The following GGNBP2 variants were observed in gnomAD, a reference collection of about 807,000 sequenced individuals.
The protein encoded by GGNBP2 is gametogenetin-binding protein 2.
In GGNBP2, 10 loss-of-function variants were observed where a neutral mutation model predicts 85.9. The observed-to-expected ratio is 0.12, with a 90% CI of 0.07 to 0.20. GGNBP2 has a LOEUF of 0.20. Among genes scored for constraint, GGNBP2 ranks in the 10% least tolerant of loss-of-function variants. The pLI is 1.00. For synonymous variants in GGNBP2, 287 were observed against 285.7 expected, an observed-to-expected ratio of 1.00 and a Z score of -0.05; for missense variants, 595 against 857.8, an observed-to-expected ratio of 0.69 and a Z score of 3.83.
At chr17:36,552,608 A>G (rs2074320961) in intron 2 of GGNBP2, among the ~76,000 whole-genome samples, 1 of 152,248 alleles carries the variant, frequency 6.6e-6, no homozygotes, top group Admixed American at 6.5e-5. Context: ...AGGTATTAAT[A>G]AGACTGAGAA....
intron 5 of GGNBP2, among the ~76,000 whole-genome samples, chr17:36,561,214 C>T (rs1027447141): frequency 6.6e-6 from 1 of 152,020 alleles, no homozygotes; most frequent in African/African-American, 2.4e-5. Context: ...ACCTCCACCT[C>T]CCTGGTTCAA....
intron 9 of GGNBP2, among the ~76,000 whole-genome samples, chr17:36,583,122 C>T (rs964450197): frequency 6.6e-6 from 1 of 151,658 alleles, no homozygotes; most frequent in African/African-American, 2.4e-5. Context: ...GGCATGATCT[C>T]GGCTCACTGC....
intron 2 of GGNBP2, among the ~76,000 whole-genome samples, chr17:36,554,274 A>C (rs1286076363): frequency 1.6e-5 from 2 of 124,706 alleles, no homozygotes; most frequent in Admixed American, 9.7e-5. Context: ...ATGCCACCGC[A>C]CTCCAGCCTA....
intron 2 of GGNBP2, among the ~76,000 whole-genome samples, chr17:36,551,291 C>G (rs2142684838): frequency 6.6e-6 from 1 of 151,992 alleles, no homozygotes; most frequent in South Asian, 2.1e-4. Context: ...ACCACAACCT[C>G]CGCCTTCTGG....
At chr17:36,554,352 A>ATTTTTTTTTT (rs780217291) in intron 2 of GGNBP2, among the ~76,000 whole-genome samples, 2 of 44,480 alleles carry the variant, frequency 4.5e-5, no homozygotes, top group Non-Finnish European at 7.2e-5. Context: ...ATGTACTTGA[A>ATTTTTTTTTT]TTTTTTTTTT....
At chr17:36,566,450 A>C (rs2074469348) in intron 5 of GGNBP2, among the ~76,000 whole-genome samples, 1 of 151,994 alleles carries the variant, frequency 6.6e-6, no homozygotes, top group Admixed American at 6.6e-5. Context: ...GCTTGAGCTG[A>C]GGAGTCGGAG....
intron 5 of GGNBP2, among the ~76,000 whole-genome samples, chr17:36,565,734 A>G (rs1599521665): frequency 6.6e-6 from 1 of 152,154 alleles, no homozygotes; most frequent in African/African-American, 2.4e-5. Context: ...CGTCTCTACT[A>G]AAAATACAAA....
At chr17:36,578,394 C>T (rs1406037832) in intron 7 of GGNBP2, 1 of 484,406 alleles carries the variant, frequency 2.1e-6, no homozygotes, top group Non-Finnish European at 3.6e-6. Context: ...TTGGTTCAGT[C>T]CTCTGCTAGT....
intron 5 of GGNBP2, among the ~76,000 whole-genome samples, chr17:36,564,295 G>A (rs748046187): frequency 6.6e-6 from 1 of 152,178 alleles, no homozygotes; most frequent in Non-Finnish European, 1.5e-5. Flanking sequence ...AAGTAGCCCA[G>A]CATTTTATGC....
chr17:36,588,604 A>ATT (rs751567731), intron 13 of GGNBP2, among the ~76,000 whole-genome samples: 4 of 144,838 alleles, frequency 2.8e-5, no homozygotes, highest in Non-Finnish European at 4.5e-5. Context: ...ATATTTATTT[A>ATT]TTTTTTTTTT....
intron 6 of GGNBP2, 23 bp downstream of exon 6, chr17:36,567,799 T>G (rs371499129): frequency 8.4e-6 from 11 of 1,302,112 alleles, no homozygotes; most frequent in Middle Eastern, 1.8e-4. Flanking sequence ...GTTGTTCCAG[T>G]ATAATGTGGA....
intron 9 of GGNBP2, among the ~76,000 whole-genome samples, chr17:36,583,716 G>C (rs1382642530): frequency 6.6e-6 from 1 of 152,118 alleles, no homozygotes; most frequent in Non-Finnish European, 1.5e-5. Context: ...GCCCGCTTCT[G>C]CCTCCCAAAG....
In GGNBP2 at chr17:36,585,911, C is replaced by T. The variant is rs369315786; in HGVS notation, c.1438C>T (p.Arg480Trp). The T allele has an allele frequency of 3.1e-6, 5 of 1,613,904 alleles. No individual in the cohort carries two copies. The highest frequency in any genetic ancestry group is 1.3e-5 in the African/African-American group (1 of 74,894). ...CATGGAAGGGAGTGAAACAGGTTCT[C>T]GGGAGGGTTCGGATGTTGCCTGCAC... is the stretch of plus-strand genomic sequence containing the variant. ...SSMEGSETGS[R>W]EGSDVACTEG... The change falls in exon 11 of 14, where the codon CGG becomes TGG. Residue 480 changes from arginine to tryptophan, a missense_variant. Coordinates refer to ENST00000613102, the MANE Select transcript of GGNBP2 (RefSeq NM_024835.5).
chr17:36,546,517 G>T (rs2074257022), intron 2 of GGNBP2: 1 of 151,962 alleles, frequency 6.6e-6, no homozygotes, highest in Non-Finnish European at 1.5e-5. Context: ...CATCTTGAGT[G>T]TCAAGACCCA....
rs562142201 is a variant in GGNBP2, at chr17:36,560,009, AT to A, written c.429-756del. On this transcript the variant is annotated intron_variant, in intron 4 of 13. Transcript: ENST00000613102. ...ACCACCACACCTGTCTAATTTTTGTATTTTTTTTAGCAGAAATAGAGTTTCT... is the reference window on the plus strand; with the variant it reads ...ACCACCACACCTGTCTAATTTTTGTATTTTTTTAGCAGAAATAGAGTTTCT... Among the ~76,000 whole-genome samples, 163 of 151,576 alleles carry A rather than the reference AT, an allele frequency of 1.1e-3. 2 individuals carry two copies. Among genetic ancestry groups the A allele is most frequent in the African/African-American group, 3.8e-3 (157 of 41,338 alleles).
At chr17:36,578,960 G>A (rs574674141) in intron 7 of GGNBP2, 14 of 307,306 alleles carry the variant, frequency 4.6e-5, no homozygotes, top group African/African-American at 2.8e-4. Context: ...CTATGAGCTG[G>A]ACACTTCTAT....
Position 36,555,500 on chromosome 17 carries a change from C to G in GGNBP2, c.174+600C>G, listed in dbSNP as rs144312273. Among the ~76,000 whole-genome samples, 46 of 152,272 alleles carry G rather than the reference C, an allele frequency of 3.0e-4. 1 individual carries two copies. The East Asian group carries it at 8.7e-3, about 29-fold the overall frequency. ...CTTGAGTTCAGTAGTTGGAGACCAGCCTGGGCAACATGGCAAAACCCTGTT... is the reference window on the plus strand; with the variant it reads ...CTTGAGTTCAGTAGTTGGAGACCAGGCTGGGCAACATGGCAAAACCCTGTT... On this transcript the variant is annotated intron_variant, in intron 3 of 13. Coordinates refer to ENST00000613102, the MANE Select transcript of GGNBP2 (RefSeq NM_024835.5).
At chr17:36,579,503 A>G (rs2074624486) in intron 8 of GGNBP2, 84 bp downstream of exon 8, 1 of 1,179,174 alleles carries the variant, frequency 8.5e-7, no homozygotes. Flanking sequence ...CCAGTGCCTA[A>G]AAGGACTGTC....
In GGNBP2 at chr17:36,587,078, G is replaced by A; in HGVS notation, c.1723G>A (p.Asp575Asn). ...GNTMHTVFHR[D>N]KTKDTHPESC... Reference sequence around the variant, plus strand: ...TACCATGCACACAGTGTTTCACCGTGACAAGACCAAAGATACACATCCTGA... The same window carrying A: ...TACCATGCACACAGTGTTTCACCGTAACAAGACCAAAGATACACATCCTGA... Residue 575 changes from aspartate (D) to asparagine (N), a missense_variant, in exon 13 of 14, where the codon GAC becomes AAC. By Grantham distance (23) the Asp-to-Asn change is conservative (BLOSUM62 1). Coordinates refer to ENST00000613102, the MANE Select transcript of GGNBP2 (RefSeq NM_024835.5). The A allele has an allele frequency of 6.2e-7, 1 of 1,614,074 alleles. No individual in the cohort carries two copies. Among genetic ancestry groups the A allele is most frequent in the Non-Finnish European group, 8.5e-7 (1 of 1,180,000 alleles).
Sources: gnomAD v4.1 joint callset for allele counts (sites outside exome capture counted in the v4.1 genomes callset) on GRCh38, gnomAD v4.1.1 for gene constraint, MANE v1.5 for transcripts, NCBI Gene and HGNC (gene_info 2026-07-23, HGNC 2026-07-21) for gene names.